Variants in MCU observed in about 807,000 individuals in gnomAD.
MCU encodes the protein calcium uniporter protein, mitochondrial.
A neutral mutation model predicts 45.2 loss-of-function variants in MCU; 12 were observed. The observed-to-expected ratio is 0.27, with a 90% CI of 0.17 to 0.43. The LOEUF (loss-of-function observed/expected upper bound fraction) is 0.43, where lower values mean the gene tolerates loss of function less well. Ranked by LOEUF, MCU falls within the 20% of genes least tolerant of loss-of-function variation. MCU has a pLI of 1.00. For synonymous variants in MCU, 160 were observed against 165.1 expected (o/e 0.97, Z 0.24); for missense variants, 324 against 436.7 (o/e 0.74, Z 2.30).
chr10:72,772,684 A>T (rs534457602), intron 1 of MCU, among the ~76,000 whole-genome samples: 5 of 152,214 alleles, frequency 3.3e-5, no homozygotes, highest in Middle Eastern at 3.2e-3. Context: ...TGGGTGACAG[A>T]GTGAGACTCT....
At chr10:72,775,424 A>G (rs1275419528) in intron 1 of MCU, among the ~76,000 whole-genome samples, 1 of 152,144 alleles carries the variant, frequency 6.6e-6, no homozygotes, top group Non-Finnish European at 1.5e-5. Flanking sequence ...GATGATAAAC[A>G]CTTCTATCAA....
At chr10:72,768,366 C>T (rs1419084676) in intron 1 of MCU, among the ~76,000 whole-genome samples, 2 of 152,056 alleles carry the variant, frequency 1.3e-5, no homozygotes, top group African/African-American at 4.8e-5. Flanking sequence ...AAATTTATTT[C>T]TTGTTTTTAA....
chr10:72,719,329 G>T (rs115533626), intron 1 of MCU, among the ~76,000 whole-genome samples: 2 of 152,264 alleles, frequency 1.3e-5, no homozygotes, highest in African/African-American at 4.8e-5. Context: ...ATTATAAGAA[G>T]AATAAAGTAG....
intron 1 of MCU, among the ~76,000 whole-genome samples, chr10:72,804,982 C>T (rs1844408346): frequency 6.6e-6 from 1 of 152,100 alleles, no homozygotes; most frequent in Non-Finnish European, 1.5e-5. Context: ...GTTGCCCAGG[C>T]TGCTCTCAAA....
chr10:72,859,666 G>A (rs1288863473), intron 3 of MCU, among the ~76,000 whole-genome samples: 1 of 151,998 alleles, frequency 6.6e-6, no homozygotes, highest in African/African-American at 2.4e-5. Context: ...ATTACTTTCG[G>A]TGTAGAATAA....
At chr10:72,732,904 A>G (rs567432275) in intron 1 of MCU, among the ~76,000 whole-genome samples, 1 of 152,338 alleles carries the variant, frequency 6.6e-6, no homozygotes, top group South Asian at 2.1e-4. Flanking sequence ...ATGAGACGAA[A>G]ATGGCCCTTT....
chr10:72,788,441 A>G (rs1844109524), intron 1 of MCU, among the ~76,000 whole-genome samples: 1 of 152,226 alleles, frequency 6.6e-6, no homozygotes, highest in Non-Finnish European at 1.5e-5. Flanking sequence ...CCTGGGCTAT[A>G]TAATGAGACC....
At chr10:72,755,006 A>G (rs770017424) in intron 1 of MCU, among the ~76,000 whole-genome samples, 15 of 152,276 alleles carry the variant, frequency 9.9e-5, no homozygotes, top group African/African-American at 2.4e-5. Flanking sequence ...AATTCCTGGT[A>G]TCACTACCTA....
intron 1 of MCU, among the ~76,000 whole-genome samples, chr10:72,769,311 C>T (rs904931859): frequency 2.0e-5 from 3 of 152,180 alleles, no homozygotes; most frequent in Non-Finnish European, 2.9e-5. Context: ...CTTGCTCACA[C>T]AAACAATGAC....
chr10:72,725,688 C>G (rs1589433708), intron 1 of MCU, among the ~76,000 whole-genome samples: 1 of 80 alleles, frequency 0.013, no homozygotes, highest in South Asian at 0.5. Context: ...CAGTTCGAGA[C>G]CAGCTGACCA....
intron 1 of MCU, among the ~76,000 whole-genome samples, chr10:72,771,853 C>T (rs1843813754): frequency 1.3e-5 from 2 of 152,134 alleles, no homozygotes; most frequent in Admixed American, 6.5e-5. Flanking sequence ...CCCAGTAGGG[C>T]CACAGAGAAG....
At chr10:72,728,013 G>C (rs1484505351) in intron 1 of MCU, among the ~76,000 whole-genome samples, 1 of 151,854 alleles carries the variant, frequency 6.6e-6, no homozygotes, top group Non-Finnish European at 1.5e-5. Flanking sequence ...TATACCACTG[G>C]ACCAAATCAT....
chr10:72,734,721 C>T (rs765121186), intron 1 of MCU, among the ~76,000 whole-genome samples: 1 of 152,048 alleles, frequency 6.6e-6, no homozygotes, highest in African/African-American at 2.4e-5. Flanking sequence ...TCAAGCAATC[C>T]TCCCACCTCT....
chr10:72,692,677 C>T, intron 1 of MCU: 1 of 1,205,384 alleles, frequency 8.3e-7, no homozygotes, highest in Non-Finnish European at 1.0e-6. Flanking sequence ...GGAAGTTGTC[C>T]CCTTTCCCTC....
At chr10:72,708,513 A>T (rs112852729) in intron 1 of MCU, among the ~76,000 whole-genome samples, 2 of 152,350 alleles carry the variant, frequency 1.3e-5, no homozygotes, top group African/African-American at 4.8e-5. Flanking sequence ...AGGAGTCAAT[A>T]GGCATAGTGG....
intron 2 of MCU, among the ~76,000 whole-genome samples, chr10:72,856,666 G>A (rs1017985324): frequency 2.0e-5 from 3 of 151,380 alleles, no homozygotes; most frequent in Non-Finnish European, 4.4e-5. Context: ...CAGGCATAGT[G>A]GCTCATGGCT....
intron 1 of MCU, among the ~76,000 whole-genome samples, chr10:72,800,166 C>T (rs1178585524): frequency 6.6e-6 from 1 of 152,146 alleles, no homozygotes; most frequent in African/African-American, 2.4e-5. Flanking sequence ...CTTCCAGTTG[C>T]GATGTGTCTT....
intron 6 of MCU, among the ~76,000 whole-genome samples, chr10:72,879,529 A>G (rs1256914710): frequency 6.6e-6 from 1 of 152,212 alleles, no homozygotes; most frequent in Admixed American, 6.5e-5. Flanking sequence ...CAAAATAAAG[A>G]CATTTTCAGA....
intron 1 of MCU, among the ~76,000 whole-genome samples, chr10:72,720,393 C>T (rs183503574): frequency 6.6e-6 from 1 of 152,288 alleles, no homozygotes; most frequent in East Asian, 1.9e-4. Flanking sequence ...CCAGTTGTAA[C>T]CTCTGTCTCC....
Sources: gnomAD v4.1 joint callset for allele counts (sites outside exome capture counted in the v4.1 genomes callset) on GRCh38, gnomAD v4.1.1 for gene constraint, MANE v1.5 for transcripts, NCBI Gene and HGNC (gene_info 2026-07-23, HGNC 2026-07-21) for gene names.